The following RP1 variants were observed in gnomAD, a reference collection of about 807,000 sequenced individuals.
The protein encoded by RP1 is oxygen-regulated protein 1.
Under a neutral mutation model 14.8 loss-of-function variants are expected in RP1, and 16 were observed. That is an observed-to-expected ratio of 1.08 (90% CI 0.73 to 1.65). The LOEUF is 1.65. RP1 is among the 40% of genes most tolerant of loss of function. The probability of loss-of-function intolerance (pLI) is 0.00; values close to 1 mark genes in which losing one functional copy is unlikely to be tolerated. For synonymous variants in RP1, 876 were observed against 883.6 expected (o/e 0.99, Z 0.15); for missense variants, 2,631 against 2,535.0 (o/e 1.04, Z -0.81).
intron 24 of RP1, among the ~76,000 whole-genome samples, chr8:54,805,207 G>A (rs975893288): frequency 1.3e-5 from 2 of 152,188 alleles, no homozygotes; most frequent in Non-Finnish European, 2.9e-5. Context: ...TCTCTGTCAA[G>A]ACCATTTAAC....
intron 27 of RP1, among the ~76,000 whole-genome samples, chr8:54,858,333 T>C (rs1812254711): frequency 6.6e-6 from 1 of 152,196 alleles, no homozygotes; most frequent in African/African-American, 2.4e-5. Flanking sequence ...AGGAATGACA[T>C]AATATGCTTC....
chr8:54,649,399 G>A (rs1585580835), intron 4 of RP1, among the ~76,000 whole-genome samples: 1 of 152,210 alleles, frequency 6.6e-6, no homozygotes, highest in South Asian at 2.1e-4. Flanking sequence ...AGGAGCAAGG[G>A]CTTATGCCTT....
At chr8:54,829,365 T>C (rs112761621) in intron 24 of RP1, among the ~76,000 whole-genome samples, 5 of 152,156 alleles carry the variant, frequency 3.3e-5, no homozygotes, top group Non-Finnish European at 4.4e-5. Context: ...AAATAGAGCA[T>C]ATATTTTTAA....
At chr8:54,636,329 G>T (rs917549775) in intron 3 of RP1, among the ~76,000 whole-genome samples, 1 of 152,206 alleles carries the variant, frequency 6.6e-6, no homozygotes, top group Non-Finnish European at 1.5e-5. Context: ...CATGGAAGGC[G>T]CACTGTCAAC....
At position 54,621,564 on chromosome 8, in the gene RP1, G is replaced by T; in HGVS notation, c.598G>T (p.Ala200Ser). Residue 200 changes from alanine to serine, a missense_variant, in exon 2 of 4, where the codon GCT (alanine) becomes TCT (serine). Coordinates refer to ENST00000220676, the MANE Select transcript of RP1 (RefSeq NM_006269.2). ...GCAGCGCCCTGTGGTCAAGCTGTAC[G>T]CTACGGACGGAAGGAGGGTGAGCGT... Reference protein sequence around the residue: ...VMQRPVVKLYATDGRRVPSLQ... With the variant: ...VMQRPVVKLYSTDGRRVPSLQ... The T allele has an allele frequency of 6.2e-7, 1 of 1,614,154 alleles. No homozygotes were observed. Among genetic ancestry groups the T allele is most frequent in the Non-Finnish European group, 8.5e-7 (1 of 1,180,014 alleles).
chr8:54,730,618 G>A (rs999668284), intron 17 of RP1, among the ~76,000 whole-genome samples: 2 of 152,030 alleles, frequency 1.3e-5, no homozygotes, highest in Admixed American at 6.6e-5. Context: ...TCCTTTCAGT[G>A]TAAAACATAT....
At chr8:54,852,786 A>G (rs780060723) in intron 26 of RP1, 5 of 1,179,700 alleles carry the variant, frequency 4.2e-6, no homozygotes, top group South Asian at 4.4e-5. Context: ...AATTTATTTA[A>G]CAAAAACACA....
chr8:54,612,991 C>CT (rs1395457952), upstream of RP1, among the ~76,000 whole-genome samples: 1 of 152,096 alleles, frequency 6.6e-6, no homozygotes, highest in Non-Finnish European at 1.5e-5. Flanking sequence ...TGTAGATTTG[C>CT]TTTTTTTATT....
intron 25 of RP1, among the ~76,000 whole-genome samples, chr8:54,845,157 C>G (rs1000795398): frequency 6.6e-6 from 1 of 152,130 alleles, no homozygotes; most frequent in African/African-American, 2.4e-5. Context: ...GGAACAAGAA[C>G]AAAGTTAGGA....
At chr8:54,573,105 C>A (rs1037819481) in intron 1 of RP1, among the ~76,000 whole-genome samples, 1 of 152,040 alleles carries the variant, frequency 6.6e-6, no homozygotes, top group African/African-American at 2.4e-5. Flanking sequence ...ATCATAATCC[C>A]TTTTTTTGGC....
At chr8:54,648,920 T>C in intron 3 of RP1, 1 of 1,211,990 alleles carries the variant, frequency 8.3e-7, no homozygotes, top group Non-Finnish European at 1.1e-6. Flanking sequence ...TATGATGACC[T>C]GCTGTTCTGA....
chr8:54,563,274 C>T (rs1350230972), intron 1 of RP1, among the ~76,000 whole-genome samples: 1 of 152,128 alleles, frequency 6.6e-6, no homozygotes, highest in African/African-American at 2.4e-5. Flanking sequence ...TTCCCTTGAC[C>T]ACACAGGAAA....
chr8:54,628,811 A>G lies in RP1; in HGVS notation c.4929A>G (p.Lys1643=). Residue 1643 remains lysine, a synonymous_variant, in exon 4 of 4, where the codon AAA becomes AAG. Transcript: ENST00000220676. ...TGTACGGTAAAGCAGATATTATCAA[A>G]CCATCTTTTTTTCCTGGGTCTACCC... ...EKLYGKADII[K]PSFFPGSTRK... is the part of the protein sequence containing the mutation. 3 of 1,614,122 alleles carry G rather than the reference A, an allele frequency of 1.9e-6. No individual in the cohort carries two copies. The highest frequency in any genetic ancestry group is 2.5e-6 in the Non-Finnish European group (3 of 1,179,986).
intron 6 of RP1, among the ~76,000 whole-genome samples, chr8:54,660,047 T>C (rs980698609): frequency 6.6e-6 from 1 of 152,154 alleles, no homozygotes; most frequent in African/African-American, 2.4e-5. Flanking sequence ...CAGCTGCTTT[T>C]TGAGTGTTGA....
intron 26 of RP1, among the ~76,000 whole-genome samples, chr8:54,853,315 G>A (rs180805100): frequency 1.3e-5 from 2 of 152,288 alleles, no homozygotes; most frequent in Admixed American, 6.5e-5. Context: ...GTCATTGAGA[G>A]CAGTGATCCC....
Position 54,630,507 on chromosome 8 carries a change from T to G in RP1, c.*154T>G, listed in dbSNP as rs1806224969. 6.9e-7 allele frequency: 1 copy of G among 1,445,054 alleles called. No homozygotes were observed. Among genetic ancestry groups the G allele is most frequent in the Non-Finnish European group, 9.0e-7 (1 of 1,105,484 alleles). 89.5% of individuals were successfully genotyped at this position (1,445,054 alleles called of 1,614,324 possible). A position where few individuals can be genotyped will look rare whatever the true frequency, so the allele number is the denominator to read the frequency against. ...CTTACCCTTGGATAACCAGTTTGAC[T>G]TTCATAATGTCTCTGTTTTTTGTTT... On this transcript the variant is annotated 3_prime_UTR_variant, in exon 4 of 4. Coordinates refer to ENST00000220676, the MANE Select transcript of RP1 (RefSeq NM_006269.2).
At position 54,628,560 on chromosome 8, in the gene RP1, G is replaced by A; in HGVS notation, c.4678G>A (p.Val1560Ile). The A allele has an allele frequency of 6.2e-7, 1 of 1,613,910 alleles. No homozygotes were observed. The highest frequency in any genetic ancestry group is 8.5e-7 in the Non-Finnish European group (1 of 1,179,876). Residue 1560 changes from valine (V) to isoleucine (I), a missense_variant, in exon 4 of 4, where the codon GTA becomes ATA. Val to Ile is a conservative substitution (Grantham distance 29). Transcript: ENST00000220676. ...GACCAATGAAGGAGAAACTAAGATG[G>A]TAAAAATGATGGTGAAAACTATGGA... ...KETNEGETKMVKMMVKTMETG... is the reference protein window; with the variant it reads ...KETNEGETKMIKMMVKTMETG...
chr8:54,733,487 AT>A (rs2129355581), intron 17 of RP1, among the ~76,000 whole-genome samples: 1 of 152,224 alleles, frequency 6.6e-6, no homozygotes, highest in African/African-American at 2.4e-5. Flanking sequence ...TTATTTATAT[AT>A]TTTTGCATGG....
chr8:54,691,865 T>G (rs751875490), intron 12 of RP1, among the ~76,000 whole-genome samples: 6 of 152,098 alleles, frequency 3.9e-5, no homozygotes, highest in Non-Finnish European at 8.8e-5. Context: ...GTGCACAATG[T>G]GCAGGTTTGT....
Sources: allele counts gnomAD v4.1 joint callset (sites outside exome capture counted in the v4.1 genomes callset), GRCh38; gene constraint gnomAD v4.1.1; transcripts MANE v1.5; gene names NCBI Gene and HGNC (gene_info 2026-07-23, HGNC 2026-07-21).